The following N4BP2L1 variants were observed in gnomAD, a reference collection of about 807,000 sequenced individuals.
The protein encoded by N4BP2L1 is NEDD4 binding protein 2 like 1.
N4BP2L1 carries 12 observed loss-of-function variants against 21.2 expected under a neutral mutation model. The ratio of observed to expected loss-of-function variants is 0.57; its 90% CI spans 0.36 to 0.92. N4BP2L1 has a LOEUF of 0.92. N4BP2L1 is among the 40% of genes least tolerant of loss of function. The probability of loss-of-function intolerance (pLI) is 0.01; values close to 1 mark genes in which losing one functional copy is unlikely to be tolerated. For synonymous variants in N4BP2L1, 104 were observed against 112.8 expected, an observed-to-expected ratio of 0.92 and a Z score of 0.49; for missense variants, 259 against 310.6, an observed-to-expected ratio of 0.83 and a Z score of 1.25.
rs540870536 is a variant in N4BP2L1, at chr13:32,425,469, G to A, written c.179+2435C>T. 3.3e-5 allele frequency: 5 copies of A among 152,390 alleles called. No individual in the cohort carries two copies. In the South Asian group the frequency reaches 8.3e-4, roughly 25 times the overall value. The allele number at this position is 152,390 out of a possible 1,614,324, so 9.4% of individuals were successfully genotyped here. A position where few individuals can be genotyped will look rare whatever the true frequency, so the allele number is the denominator to read the frequency against. Reference sequence around the variant, plus strand: ...TTCTTCACTCCAGAGCCAGGATCCAGGGAACACTGAAGATTTATCTCAGCT... The same window carrying A: ...TTCTTCACTCCAGAGCCAGGATCCAAGGAACACTGAAGATTTATCTCAGCT... On this transcript the variant is annotated intron_variant, in intron 1 of 4. Transcript: ENST00000380130.
intron 1 of N4BP2L1, chr13:32,425,158 T>C (rs186853738): frequency 6.6e-6 from 1 of 152,374 alleles, no homozygotes; most frequent in African/African-American, 2.4e-5. Flanking sequence ...CTATTTTCTA[T>C]ATACATGTGT....
At chr13:32,419,628 C>T (rs548582787) in intron 1 of N4BP2L1, among the ~76,000 whole-genome samples, 30 of 151,940 alleles carry the variant, frequency 2.0e-4, no homozygotes, top group Non-Finnish European at 4.1e-4. Flanking sequence ...TCCTTCCTGC[C>T]GCCATGTGAA....
At position 32,402,521 on chromosome 13, in the gene N4BP2L1, C is replaced by CTG. The variant is rs1474611382; in HGVS notation, c.*420_*421insCA. On this transcript the variant is annotated 3_prime_UTR_variant, in exon 5 of 5. Coordinates refer to ENST00000380130, the MANE Select transcript of N4BP2L1 (RefSeq NM_052818.3). ...ATGGCACTTTGATAAGTAGCAATGC[C>CTG]CCCCCACCACTTCTCTCCACCTTCC... 43 of 875,764 alleles carry CTG rather than the reference C, an allele frequency of 4.9e-5. No homozygotes were observed. The African/African-American group carries it at 1.4e-3, about 28-fold the overall frequency. 54.2% of individuals were successfully genotyped at this position (875,764 alleles called of 1,614,324 possible).
Position 32,404,330 on chromosome 13 carries a change from T to A in N4BP2L1, c.464A>T (p.Glu155Val). The A allele has an allele frequency of 6.2e-7, 1 of 1,613,622 alleles. No homozygotes were observed. The highest frequency in any genetic ancestry group is 8.5e-7 in the Non-Finnish European group (1 of 1,179,618). Reference sequence around the variant, plus strand: ...AAAAACAAAGAAGTACCTTGCTAACTCTTGAACGTTGAATTTCCAGCGAGT... The same window carrying A: ...AAAAACAAAGAAGTACCTTGCTAACACTTGAACGTTGAATTTCCAGCGAGT... The part of the protein sequence containing the change: ...PDTRWKFNVQ[E>V]LARRNIHGVS... The change falls in exon 4 of 5, where the codon GAG becomes GTG. Residue 155 changes from glutamate (E) to valine (V), a missense_variant. By Grantham distance (121) the Glu-to-Val change is moderately radical. Coordinates refer to ENST00000380130, the MANE Select transcript of N4BP2L1 (RefSeq NM_052818.3).
intron 1 of N4BP2L1, among the ~76,000 whole-genome samples, chr13:32,410,369 C>T (rs1008743302): frequency 3.3e-5 from 5 of 152,228 alleles, no homozygotes; most frequent in African/African-American, 1.2e-4. Flanking sequence ...CGCTCCAGCA[C>T]ATTCTTTTGG....
At chr13:32,428,778 C>A (rs2074924409), upstream of N4BP2L1, among the ~76,000 whole-genome samples, 1 of 152,276 alleles carries the variant, frequency 6.6e-6, no homozygotes, top group Admixed American at 6.5e-5. Context: ...CGCCCAGGTA[C>A]CTGCCCTGTT....
intron 1 of N4BP2L1, chr13:32,416,454 T>A (rs2074143384): frequency 6.6e-6 from 1 of 152,238 alleles, no homozygotes; most frequent in African/African-American, 2.4e-5. Context: ...TTATTTGCAA[T>A]TTTCCATATC....
intron 1 of N4BP2L1, among the ~76,000 whole-genome samples, chr13:32,413,249 A>G (rs2073957956): frequency 6.6e-6 from 1 of 152,144 alleles, no homozygotes. Context: ...TTAAATTTAA[A>G]TTTTTAAAAA....
chr13:32,405,141 C>G (rs577380156), intron 3 of N4BP2L1, among the ~76,000 whole-genome samples: 1 of 152,224 alleles, frequency 6.6e-6, no homozygotes, highest in Admixed American at 6.5e-5. Flanking sequence ...AATAACACAA[C>G]CGGAAACCTC....
chr13:32,405,894 T>C (rs940690637), intron 3 of N4BP2L1, among the ~76,000 whole-genome samples: 1,090 of 37,626 alleles, frequency 0.029, 44 homozygotes, highest in African/African-American at 0.1. Flanking sequence ...CCTGCCCCCT[T>C]TTTTTTTTTT....
chr13:32,429,251 C>T (rs542448255), upstream of N4BP2L1, among the ~76,000 whole-genome samples: 2 of 152,346 alleles, frequency 1.3e-5, no homozygotes, highest in African/African-American at 2.4e-5. Context: ...AGAACTTCCC[C>T]TTCCCCTTGG....
intron 1 of N4BP2L1, 39 bp downstream of exon 1, chr13:32,427,865 C>T: frequency 7.3e-7 from 1 of 1,373,674 alleles, no homozygotes; most frequent in Non-Finnish European, 9.5e-7. Flanking sequence ...GTTTGGTGGC[C>T]CCGGGCCCGT....
In N4BP2L1 at chr13:32,406,854, C is replaced by A. The variant is rs7327677; in HGVS notation, c.396+396G>T. ...ACACAGTGTGGAAATTCCCGGCTCA[C>A]CAGAGGCAGAACCGTCCTGTTGTGA... On this transcript the variant is annotated intron_variant, in intron 3 of 4. Transcript: ENST00000380130. The A allele has an allele frequency of 4.3e-3, 732 of 171,736 alleles. 6 individuals are homozygous for A. Among genetic ancestry groups the A allele is most frequent in the African/African-American group, 0.016 (665 of 41,836 alleles). 10.6% of individuals were successfully genotyped at this position (171,736 alleles called of 1,614,324 possible).
chr13:32,424,164 C>G (rs578020448), intron 1 of N4BP2L1, among the ~76,000 whole-genome samples: 2 of 152,320 alleles, frequency 1.3e-5, no homozygotes, highest in African/African-American at 4.8e-5. Flanking sequence ...TTAATGTTCT[C>G]CATGATCTGG....
intron 1 of N4BP2L1, among the ~76,000 whole-genome samples, chr13:32,409,791 G>A (rs2073745719): frequency 6.6e-6 from 1 of 152,192 alleles, no homozygotes; most frequent in South Asian, 2.1e-4. Context: ...AGGAAAGAGA[G>A]GAGGAAGCGA....
intron 4 of N4BP2L1, 152 bp from the exon 5 acceptor site, chr13:32,403,352 CT>C (rs2073265960): frequency 1.2e-6 from 1 of 812,790 alleles, no homozygotes; most frequent in Non-Finnish European, 1.9e-6. Context: ...CAGCAGTTCT[CT>C]TTCAGCCTCC....
chr13:32,407,439 C>T, intron 2 of N4BP2L1, 101 bp from the exon 3 acceptor site: 1 of 1,597,562 alleles, frequency 6.3e-7, no homozygotes, highest in East Asian at 2.3e-5. Context: ...GCCCTCATCT[C>T]CTCATCACAC....
intron 1 of N4BP2L1, among the ~76,000 whole-genome samples, chr13:32,408,329 A>G (rs2073650364): frequency 1.3e-5 from 2 of 152,214 alleles, no homozygotes; most frequent in Admixed American, 1.3e-4. Context: ...TTATCAGGTA[A>G]CATATTTATG....
chr13:32,403,707 C>T lies in N4BP2L1; in HGVS notation c.474-507G>A, dbSNP rs761772011. 5.6e-6 allele frequency: 3 copies of T among 535,766 alleles called. No homozygotes were observed. In the African/African-American group the frequency reaches 5.8e-5, roughly 10 times the overall value. The allele number at this position is 535,766 out of a possible 1,614,324, so 33.2% of individuals were successfully genotyped here. ...CCATGAACTCGGATTTTAATAGCCA[C>T]CTGAGGCAATTCTGATGGAGTAGTC... On this transcript the variant is annotated intron_variant, in intron 4 of 4. Coordinates refer to ENST00000380130, the MANE Select transcript of N4BP2L1 (RefSeq NM_052818.3).
Sources: gnomAD v4.1 joint callset for allele counts (sites outside exome capture counted in the v4.1 genomes callset) on GRCh38, gnomAD v4.1.1 for gene constraint, MANE v1.5 for transcripts, NCBI Gene and HGNC (gene_info 2026-07-23, HGNC 2026-07-21) for gene names.